Variants in FBN2 observed in about 807,000 individuals in gnomAD.
The protein encoded by FBN2 is fibrillin 2, also known as fibrillin-2.
FBN2 carries 105 observed loss-of-function variants against 355.6 expected under a neutral mutation model. The observed-to-expected ratio is 0.30, with a 90% confidence interval of 0.25 to 0.35. FBN2 has a LOEUF of 0.35. Among genes scored for constraint, FBN2 ranks in the 10% least tolerant of loss-of-function variants. The pLI is 1.00. For missense variants in FBN2, 3,280 were observed against 3,758.7 expected, an observed-to-expected ratio of 0.87 and a Z score of 3.33; for synonymous variants, 1,350 against 1,301.2, an observed-to-expected ratio of 1.04 and a Z score of -0.81.
intron 7 of FBN2, among the ~76,000 whole-genome samples, chr5:128,415,442 G>A (rs940762639): frequency 5.9e-5 from 9 of 152,094 alleles, no homozygotes; most frequent in African/African-American, 2.2e-4. Flanking sequence ...ACATATGAGT[G>A]AGACCATGAA....
At chr5:128,272,540 C>T (rs1209412648) in intron 61 of FBN2, among the ~76,000 whole-genome samples, 1 of 149,178 alleles carries the variant, frequency 6.7e-6, no homozygotes, top group Non-Finnish European at 1.5e-5. Context: ...GAGATACAAT[C>T]CTCATTTTTG....
intron 23 of FBN2, among the ~76,000 whole-genome samples, chr5:128,347,039 T>C (rs946174232): frequency 5.9e-5 from 9 of 152,224 alleles, no homozygotes; most frequent in African/African-American, 2.2e-4. Context: ...AGTCTCCTTA[T>C]AGCTGGTTCC....
chr5:128,439,167 T>C (rs1332550592), intron 7 of FBN2, among the ~76,000 whole-genome samples: 1 of 152,148 alleles, frequency 6.6e-6, no homozygotes, highest in Non-Finnish European at 1.5e-5. Context: ...CTATGATATT[T>C]TGCTATTACA....
At chr5:128,370,091 T>G (rs1217599535) in intron 15 of FBN2, among the ~76,000 whole-genome samples, 1 of 152,186 alleles carries the variant, frequency 6.6e-6, no homozygotes, top group Non-Finnish European at 1.5e-5. Context: ...ATGTGACTTC[T>G]AAAACTCTTC....
At chr5:128,427,854 A>G (rs1201002180) in intron 7 of FBN2, among the ~76,000 whole-genome samples, 1 of 152,116 alleles carries the variant, frequency 6.6e-6, no homozygotes, top group Admixed American at 6.6e-5. Context: ...CTTTTGCTGC[A>G]ATCTCGATGC....
In FBN2 at chr5:128,349,368, C is replaced by T. The variant is rs749854367; in HGVS notation, c.2968G>A (p.Gly990Arg). 8.7e-6 allele frequency: 14 copies of T among 1,614,120 alleles called. No individual in the cohort carries two copies. Among genetic ancestry groups the T allele is most frequent in the Non-Finnish European group, 1.2e-5 (14 of 1,180,014 alleles). ...TTACCCAAACATACACGGCCAGTCCCATCCAACGTAAGGCCTTCAGGGCAC... is the reference window on the plus strand; with the variant it reads ...TTACCCAAACATACACGGCCAGTCCTATCCAACGTAAGGCCTTCAGGGCAC... The part of the protein sequence containing the change: ...CECPEGLTLD[G>R]TGRVCLDIRM... Residue 990 changes from glycine to arginine, a missense_variant, in exon 23 of 65, where the codon GGG (glycine) becomes AGG (arginine). Gly to Arg is a moderately radical substitution (Grantham distance 125, BLOSUM62 -2). Around this residue, in one of 6 missense-constraint regions of FBN2, gnomAD observed 2,284 missense variants for 2,749.5 expected, o/e 0.83. Transcript: ENST00000262464.
At chr5:128,536,354 T>C (rs1756845874) in intron 2 of FBN2, 48 bp downstream of exon 2, 5 of 1,481,706 alleles carry the variant, frequency 3.4e-6, no homozygotes, top group South Asian at 2.3e-5. Flanking sequence ...CGGCCGGAGA[T>C]AGGGCCGAGT....
intron 5 of FBN2, among the ~76,000 whole-genome samples, chr5:128,474,891 A>T (rs905213606): frequency 6.6e-6 from 1 of 152,234 alleles, no homozygotes; most frequent in African/African-American, 2.4e-5. Flanking sequence ...TGAGAATTCT[A>T]GGGAAATGCT....
Position 128,530,654 on chromosome 5 carries a change from C to G in FBN2, c.377G>C (p.Arg126Pro). Residue 126 changes from arginine (R) to proline (P), a missense_variant, in exon 3 of 65, where the codon CGT becomes CCT. Transcript: ENST00000262464. ...ACTGGAACAAGTACACATGTTAGGA[C>G]GGGAACAAAATCCATCTCCACAACT... is the stretch of plus-strand genomic sequence containing the variant. ...RNSCGDGFCS[R>P]PNMCTCSSGQ... 6.2e-7 allele frequency: 1 copy of G among 1,613,046 alleles called. No individual in the cohort carries two copies. Among genetic ancestry groups the G allele is most frequent in the Non-Finnish European group, 8.5e-7 (1 of 1,179,272 alleles).
intron 6 of FBN2, among the ~76,000 whole-genome samples, chr5:128,450,064 CAGAAAT>C (rs1474494123): frequency 2.0e-5 from 3 of 151,974 alleles, no homozygotes; most frequent in Admixed American, 6.6e-5. Context: ...AAGCTGAAAA[CAGAAAT>C]AGATAACCTG....
intron 8 of FBN2, among the ~76,000 whole-genome samples, chr5:128,407,716 C>G (rs1039140107): frequency 3.9e-5 from 6 of 152,164 alleles, no homozygotes; most frequent in Non-Finnish European, 8.8e-5. Flanking sequence ...AGGCCACAGT[C>G]CTTTTATTGG....
At chr5:128,274,532 G>T in intron 60 of FBN2, 35 bp downstream of exon 60, 1 of 1,152,964 alleles carries the variant, frequency 8.7e-7, no homozygotes, top group Non-Finnish European at 1.3e-6. Flanking sequence ...TCTACTAGAA[G>T]TTTGTAAAAT....
At chr5:128,330,806 A>T in intron 32 of FBN2, 111 bp from the exon 33 acceptor site, 1 of 1,212,106 alleles carries the variant, frequency 8.3e-7, no homozygotes, top group Non-Finnish European at 1.2e-6. Flanking sequence ...CAGGCATTTT[A>T]GTTTGCAGGA....
At position 128,402,106 on chromosome 5, in the gene FBN2, T is replaced by G. The variant is rs537650083; in HGVS notation, c.1078+6568A>C. 9.2e-5 allele frequency among the ~76,000 whole-genome samples: 14 copies of G among 152,204 alleles called. No homozygotes were observed. The South Asian group carries it at 2.5e-3, about 27-fold the overall frequency. On this transcript the variant is annotated intron_variant, in intron 8 of 64. Coordinates refer to ENST00000262464, the MANE Select transcript of FBN2 (RefSeq NM_001999.4). Reference sequence around the variant, plus strand: ...TCAGAGGCTGGGAATTACCTCTCTTTCCTTTGTATGAAATTTCATGGCCCT... The same window carrying G: ...TCAGAGGCTGGGAATTACCTCTCTTGCCTTTGTATGAAATTTCATGGCCCT...
chr5:128,301,685 T>C (rs1749724670), intron 46 of FBN2, among the ~76,000 whole-genome samples, 175 bp from the exon 47 acceptor site: 1 of 152,178 alleles, frequency 6.6e-6, no homozygotes, highest in African/African-American at 2.4e-5. Context: ...ATTAATAGGA[T>C]CCCATAGAGT....
intron 5 of FBN2, among the ~76,000 whole-genome samples, chr5:128,475,193 T>C (rs1376625929): frequency 6.6e-6 from 1 of 152,130 alleles, no homozygotes; most frequent in African/African-American, 2.4e-5. Flanking sequence ...CCCGGTCTCA[T>C]CTCAACAGAA....
chr5:128,475,797 T>C (rs1015907723), intron 5 of FBN2, among the ~76,000 whole-genome samples: 2 of 152,182 alleles, frequency 1.3e-5, no homozygotes, highest in African/African-American at 4.8e-5. Context: ...TAGCATTCGT[T>C]TTCTCCTGTG....
chr5:128,519,799 G>C (rs1035769315), intron 4 of FBN2, among the ~76,000 whole-genome samples: 44 of 151,766 alleles, frequency 2.9e-4, no homozygotes, highest in African/African-American at 1.0e-3. Flanking sequence ...CACAGGGAAG[G>C]AGTAGGAGGA....
chr5:128,449,451 T>C (rs964947103), intron 6 of FBN2, among the ~76,000 whole-genome samples: 1 of 119,918 alleles, frequency 8.3e-6, no homozygotes, highest in Non-Finnish European at 1.7e-5. Flanking sequence ...TTATATAGTA[T>C]ACTATATAAT....
Sources: allele counts gnomAD v4.1 joint callset (sites outside exome capture counted in the v4.1 genomes callset), GRCh38; gene constraint gnomAD v4.1.1; regional missense constraint gnomAD v4.1.1; transcripts MANE v1.5; gene names NCBI Gene and HGNC (gene_info 2026-07-23, HGNC 2026-07-21).